EYA1: variants seen among roughly 807,000 people sequenced by gnomAD.
The protein encoded by EYA1 is protein phosphatase EYA1.
Under a neutral mutation model 82.0 loss-of-function variants are expected in EYA1, and 16 were observed. The observed-to-expected ratio is 0.20, with a 90% CI of 0.13 to 0.30. EYA1 has a LOEUF of 0.30. Ranked by LOEUF, EYA1 falls within the 10% of genes least tolerant of loss-of-function variation. EYA1 has a pLI of 1.00. For missense variants in EYA1, 633 were observed against 730.7 expected, an observed-to-expected ratio of 0.87 and a Z score of 1.54; for synonymous variants, 261 against 264.4, an observed-to-expected ratio of 0.99 and a Z score of 0.12.
chr8:71,528,201 G>C (rs1813961306), intron 2 of EYA1, among the ~76,000 whole-genome samples: 1 of 152,108 alleles, frequency 6.6e-6, no homozygotes, highest in South Asian at 2.1e-4. Flanking sequence ...TTTCTTTCCA[G>C]CATCAGCCAC....
intron 12 of EYA1, among the ~76,000 whole-genome samples, chr8:71,242,015 C>T (rs1812529929): frequency 6.6e-6 from 1 of 151,972 alleles, no homozygotes; most frequent in Non-Finnish European, 1.5e-5. Context: ...TTGAGACTAG[C>T]CTGGCCAACA....
intron 10 of EYA1, chr8:71,270,297 C>T (rs1047782146): frequency 6.2e-6 from 1 of 162,014 alleles, no homozygotes; most frequent in Non-Finnish European, 1.4e-5. Context: ...AAGACTAAAA[C>T]CTTACATAAT....
intron 2 of EYA1, among the ~76,000 whole-genome samples, chr8:71,419,574 C>T (rs1450862742): frequency 6.6e-6 from 1 of 152,020 alleles, no homozygotes; most frequent in East Asian, 1.9e-4. Flanking sequence ...TTGAAAGAAA[C>T]CAGATTAGCT....
At chr8:71,498,228 T>C (rs1811562581) in intron 2 of EYA1, among the ~76,000 whole-genome samples, 1 of 152,234 alleles carries the variant, frequency 6.6e-6, no homozygotes, top group African/African-American at 2.4e-5. Flanking sequence ...ATGGTAACTA[T>C]GTGAGGTAAT....
intron 17 of EYA1, among the ~76,000 whole-genome samples, chr8:71,210,545 A>G (rs1808375418): frequency 1.3e-5 from 2 of 152,230 alleles, no homozygotes; most frequent in African/African-American, 4.8e-5. Context: ...GCTTTTGCTC[A>G]GAGAAATGAT....
At chr8:71,362,662 A>G (rs958671004), upstream of EYA1, among the ~76,000 whole-genome samples, 1 of 152,214 alleles carries the variant, frequency 6.6e-6, no homozygotes, top group African/African-American at 2.4e-5. Flanking sequence ...GATTTCTAGA[A>G]TGGCAAATCT....
At chr8:71,311,027 GAA>G (rs1405831917) in intron 7 of EYA1, among the ~76,000 whole-genome samples, 1 of 152,156 alleles carries the variant, frequency 6.6e-6, no homozygotes. Context: ...GTAGGTGTGT[GAA>G]AATTGTTTGC....
At chr8:71,231,809 A>T (rs1289485144) in intron 12 of EYA1, among the ~76,000 whole-genome samples, 1 of 152,128 alleles carries the variant, frequency 6.6e-6, no homozygotes, top group Non-Finnish European at 1.5e-5. Flanking sequence ...TCCACTCTCT[A>T]TCTATTGACC....
intron 2 of EYA1, chr8:71,403,968 C>T (rs151017621): frequency 6.6e-6 from 1 of 152,206 alleles, no homozygotes; most frequent in Non-Finnish European, 1.5e-5. Context: ...ACTTGTTTTT[C>T]GTGACTTCAG....
intron 2 of EYA1, among the ~76,000 whole-genome samples, chr8:71,377,184 T>C (rs1443259960): frequency 6.6e-6 from 1 of 152,152 alleles, no homozygotes; most frequent in African/African-American, 2.4e-5. Flanking sequence ...GAGGTTTTCT[T>C]CCAGGAACAG....
At chr8:71,210,551 A>C (rs904318309) in intron 17 of EYA1, among the ~76,000 whole-genome samples, 9 of 152,216 alleles carry the variant, frequency 5.9e-5, no homozygotes, top group Non-Finnish European at 1.2e-4. Context: ...GCTCAGAGAA[A>C]TGATAGAATT....
chr8:71,538,342 A>AT (rs1423052104), intron 1 of EYA1, among the ~76,000 whole-genome samples: 6 of 152,236 alleles, frequency 3.9e-5, no homozygotes, highest in African/African-American at 1.4e-4. Context: ...CTAGTCACAT[A>AT]TGGCACTAAT....
chr8:71,271,546 A>G (rs1361176758), intron 10 of EYA1, among the ~76,000 whole-genome samples: 1 of 152,250 alleles, frequency 6.6e-6, no homozygotes, highest in Non-Finnish European at 1.5e-5. Context: ...CCTTTGCCAT[A>G]TAGTTCATAG....
chr8:71,245,779 G>A (rs913320430), intron 11 of EYA1, among the ~76,000 whole-genome samples: 1 of 152,120 alleles, frequency 6.6e-6, no homozygotes, highest in Non-Finnish European at 1.5e-5. Flanking sequence ...TGGCCACTCT[G>A]ACCCCACCAG....
chr8:71,371,764 T>A (rs191948516), intron 2 of EYA1, among the ~76,000 whole-genome samples: 1 of 151,880 alleles, frequency 6.6e-6, no homozygotes, highest in Non-Finnish European at 1.5e-5. Context: ...ACTGAAGCCA[T>A]GAAACAAGAT....
chr8:71,408,422 A>G (rs1830397935), intron 2 of EYA1, among the ~76,000 whole-genome samples: 1 of 123,328 alleles, frequency 8.1e-6, no homozygotes, highest in Non-Finnish European at 1.8e-5. Context: ...AAAGACACAG[A>G]CTGGCAAGTT....
In EYA1 at chr8:71,265,905, C is replaced by G. The variant is rs535529992; in HGVS notation, c.1050+3835G>C. ...GCCATGGCTGACTGTGCCCAGCACC[C>G]TCTTTTGTCCCTATCACCTTTGTTA... On this transcript the variant is annotated intron_variant, in intron 11 of 17. Transcript: ENST00000340726. 1.2e-4 allele frequency among the ~76,000 whole-genome samples: 18 copies of G among 152,308 alleles called. No homozygotes were observed. The South Asian group carries it at 1.9e-3, about 16-fold the overall frequency.
intron 2 of EYA1, among the ~76,000 whole-genome samples, chr8:71,448,025 T>TTTTTTTTTTTTTTTTTTTTTAACGGAG (rs935912194): frequency 5.1e-5 from 6 of 116,736 alleles, no homozygotes; most frequent in African/African-American, 6.8e-5. Flanking sequence ...TTTTTTTTTT[T>TTTTTTTTTTTTTTTTTTTTTAACGGAG]TCTCGCTCCG....
At chr8:71,484,551 G>A (rs1013857682) in intron 2 of EYA1, among the ~76,000 whole-genome samples, 2 of 152,130 alleles carry the variant, frequency 1.3e-5, no homozygotes, top group Non-Finnish European at 2.9e-5. Flanking sequence ...ACCTCTTGAG[G>A]GTCATTCCTA....
Sources: gnomAD v4.1 joint callset for allele counts (sites outside exome capture counted in the v4.1 genomes callset) on GRCh38, gnomAD v4.1.1 for gene constraint, MANE v1.5 for transcripts, NCBI Gene and HGNC (gene_info 2026-07-23, HGNC 2026-07-21) for gene names.